BCAP31: variants seen among roughly 807,000 people sequenced by gnomAD.
The protein encoded by BCAP31 is B-cell receptor-associated protein 31.
For synonymous variants in BCAP31, 75 were observed against 80.9 expected, an observed-to-expected ratio of 0.93 and a Z score of 0.39; for missense variants, 124 against 193.0, an observed-to-expected ratio of 0.64 and a Z score of 2.12.
intron 4 of BCAP31, among the ~76,000 whole-genome samples, chrX:153,708,801 AGGCTGCCCCAAAG>A (rs1169657926): frequency 2.7e-5 from 3 of 112,772 alleles, no homozygotes; most frequent in Non-Finnish European, 5.6e-5. Flanking sequence ...AGACCCGAGA[AGGCTGCCCCAAAG>A]GGCTGCCCCA....
intron 4 of BCAP31, among the ~76,000 whole-genome samples, chrX:153,712,693 G>A (rs2091600856): frequency 8.9e-6 from 1 of 112,246 alleles, no homozygotes; most frequent in Non-Finnish European, 1.9e-5. Context: ...TCTTAGAAAA[G>A]GAAACGGTGA....
chrX:153,716,059 G>A (rs1557050070), intron 3 of BCAP31, among the ~76,000 whole-genome samples: 1 of 108,964 alleles, frequency 9.2e-6, no homozygotes. Context: ...CCAGCTACTC[G>A]GGAGGCTGAG....
intron 4 of BCAP31, among the ~76,000 whole-genome samples, chrX:153,711,674 T>A (rs1217668642): frequency 9.1e-6 from 1 of 110,268 alleles, no homozygotes; most frequent in African/African-American, 3.3e-5. Flanking sequence ...GAGGCCGAGG[T>A]GGGCAGATCA....
Position 153,717,697 on chromosome X carries a change from T to TGA in BCAP31, c.194-2010_194-2009dup, listed in dbSNP as rs781935314. On this transcript the variant is annotated intron_variant, in intron 3 of 7. Transcript: ENST00000345046. ...TCACAAAGTGTGGGGATTACAGGCG[T>TGA]GAGTCAGGGCACTGGCCTCATGGGG... Among the ~76,000 whole-genome samples the TGA allele has an allele frequency of 5.3e-5, 6 of 112,879 alleles. No individual in the cohort carries two copies. The South Asian group carries it at 2.2e-3, about 41-fold the overall frequency.
At chrX:153,710,382 C>A (rs2091582947) in intron 4 of BCAP31, among the ~76,000 whole-genome samples, 1 of 111,715 alleles carries the variant, frequency 9.0e-6, no homozygotes, top group African/African-American at 3.3e-5. Flanking sequence ...TGGGTGGAGT[C>A]CAGCTCTGCA....
chrX:153,720,382 G>A (rs1424448806), intron 3 of BCAP31, among the ~76,000 whole-genome samples: 3 of 93,194 alleles, frequency 3.2e-5, no homozygotes, highest in African/African-American at 1.2e-4. Context: ...TTTTTTTTTT[G>A]AGATGGAGTC....
intron 4 of BCAP31, among the ~76,000 whole-genome samples, chrX:153,705,815 TAG>T (rs1234208041): frequency 9.0e-6 from 1 of 111,199 alleles, no homozygotes; most frequent in East Asian, 2.8e-4. Context: ...CACCTGGTGG[TAG>T]AGAGAGGACC....
At position 153,702,946 on chromosome X, in the gene BCAP31, C is replaced by G; in HGVS notation, c.590G>C (p.Ser197Thr). Residue 197 changes from serine (S) to threonine (T), a missense_variant, in exon 6 of 8, where the codon AGC becomes ACC. Coordinates refer to ENST00000345046, the MANE Select transcript of BCAP31 (RefSeq NM_001256447.2). ...DLQKLKDELA[S>T]TKQKLEKAEN... ...AGGTCGAGCCTCACTTTGCTTAGTG[C>G]TGGCCAGCTCGTCCTTTAGCTTCTG... 1.7e-6 allele frequency: 2 copies of G among 1,210,359 alleles called. No individual in the cohort carries two copies. Among genetic ancestry groups the G allele is most frequent in the Non-Finnish European group, 2.2e-6 (2 of 895,444 alleles).
intron 7 of BCAP31, 37 bp downstream of exon 7, chrX:153,701,970 T>C: frequency 2.6e-6 from 3 of 1,176,424 alleles, no homozygotes; most frequent in Non-Finnish European, 3.5e-6. Context: ...CCTGCTCTGC[T>C]CTCCTGCCCT....
intron 3 of BCAP31, among the ~76,000 whole-genome samples, chrX:153,717,660 A>G (rs2091638578): frequency 8.9e-6 from 1 of 112,541 alleles, no homozygotes; most frequent in Non-Finnish European, 1.9e-5. Context: ...AGCGCAAGCA[A>G]CTGCCTCAGC....
At chrX:153,701,704 C>T (rs2091519268) in intron 7 of BCAP31, among the ~76,000 whole-genome samples, 1 of 113,163 alleles carries the variant, frequency 8.8e-6, no homozygotes, top group Non-Finnish European at 1.9e-5. Flanking sequence ...GTTTCACCTG[C>T]TTCTTTGTTC....
chrX:153,719,120 A>G (rs1402342487), intron 3 of BCAP31, among the ~76,000 whole-genome samples: 1 of 111,791 alleles, frequency 8.9e-6, no homozygotes, highest in African/African-American at 3.3e-5. Flanking sequence ...AGGCTTTGTC[A>G]ACTACTGGAT....
In BCAP31 at chrX:153,712,413, AAT is replaced by A. The variant is rs1557049330; in HGVS notation, c.341+3127_341+3128del. ...GCGAGACCTTGTCTCAAAAAAAATA[AAT>A]AAATAAATAAATAAATAAATAAATA... On this transcript the variant is annotated intron_variant, in intron 4 of 7. Coordinates refer to ENST00000345046, the MANE Select transcript of BCAP31 (RefSeq NM_001256447.2). 2.5e-3 allele frequency among the ~76,000 whole-genome samples: 49 copies of A among 19,540 alleles called. 1 individual carries two copies. Among genetic ancestry groups the A allele is most frequent in the South Asian group, 0.016 (6 of 375 alleles). The allele number at this position is 19,540 out of a possible 115,157, so 17.0% of individuals were successfully genotyped here.
chrX:153,702,905 T>C lies in BCAP31; in HGVS notation c.601+30A>G, dbSNP rs782679337. 19 of 1,205,134 alleles carry C rather than the reference T, an allele frequency of 1.6e-5. No individual in the cohort carries two copies. The Admixed American group carries it at 3.9e-4, about 25-fold the overall frequency. On this transcript the variant is annotated intron_variant, in intron 6 of 7. Transcript: ENST00000345046. ...CAGAGGAGGCTCCTCTGGACTTCCCTGCGGGGAAGGACACGAGGTCGAGCC... is the reference window on the plus strand; with the variant it reads ...CAGAGGAGGCTCCTCTGGACTTCCCCGCGGGGAAGGACACGAGGTCGAGCC...
chrX:153,720,655 T>C (rs1340978313), intron 3 of BCAP31, among the ~76,000 whole-genome samples: 1 of 111,777 alleles, frequency 8.9e-6, no homozygotes, highest in Non-Finnish European at 1.9e-5. Context: ...TGAGCCACCA[T>C]GTACGGCCTA....
At chrX:153,710,216 G>A in intron 4 of BCAP31, among the ~76,000 whole-genome samples, 1 of 111,848 alleles carries the variant, frequency 8.9e-6, no homozygotes, top group Non-Finnish European at 1.9e-5. Context: ...CCATGTGATA[G>A]CGAGCCACTG....
Position 153,709,598 on chromosome X carries a change from G to A in BCAP31, c.342-5504C>T, listed in dbSNP as rs1476765509. Among the ~76,000 whole-genome samples, 9 of 112,588 alleles carry A rather than the reference G, an allele frequency of 8.0e-5. No individual in the cohort carries two copies. In the East Asian group the frequency reaches 2.0e-3, roughly 25 times the overall value. The stretch of plus-strand genomic sequence containing the variant: ...CAGGAAGGGAACAGGAGCGACTGCC[G>A]GAGTCTTCCACAAGTGGAAACCAGT... On this transcript the variant is annotated intron_variant, in intron 4 of 7. Transcript: ENST00000345046.
intron 7 of BCAP31, 119 bp downstream of exon 7, chrX:153,701,888 G>C (rs1216456359): frequency 4.3e-5 from 26 of 608,771 alleles, no homozygotes; most frequent in Non-Finnish European, 3.3e-5. Flanking sequence ...GTGGCCAGGG[G>C]GAGTGGTGGA....
At position 153,700,949 on chromosome X, in the gene BCAP31, C is replaced by T. The variant is rs782079231; in HGVS notation, c.729G>A (p.Lys243=). Residue 243 remains lysine, a synonymous_variant, in exon 8 of 8, where the codon AAG becomes AAA. Transcript: ENST00000345046. The stretch of plus-strand genomic sequence containing the variant: ...AGGAAGGAGGCCCTTACTCTTCCTT[C>T]TTGTCCATGGGACCATCTACTGCAG... ...LQAAVDGPMD[K]KEE 1 of 1,207,792 alleles carries T rather than the reference C, an allele frequency of 8.3e-7. No individual in the cohort carries two copies.
Sources: allele counts gnomAD v4.1 joint callset (sites outside exome capture counted in the v4.1 genomes callset), GRCh38; gene constraint gnomAD v4.1.1; transcripts MANE v1.5; gene names NCBI Gene and HGNC (gene_info 2026-07-23, HGNC 2026-07-21).